ARHGEF4: variants seen among roughly 807,000 people sequenced by gnomAD.
The protein encoded by ARHGEF4 is APC-stimulated guanine nucleotide exchange factor 1.
A neutral mutation model predicts 162.0 loss-of-function variants in ARHGEF4; 119 were observed. The ratio of observed to expected loss-of-function variants is 0.73; its 90% CI spans 0.63 to 0.86. The LOEUF is 0.86. Among genes scored for constraint, ARHGEF4 ranks in the 40% least tolerant of loss-of-function variants. The pLI, the probability that ARHGEF4 is intolerant of heterozygous loss-of-function variation, is 0.00. For missense variants in ARHGEF4, 2,488 were observed against 2,456.0 expected, an observed-to-expected ratio of 1.01 and a Z score of -0.28; for synonymous variants, 1,014 against 979.9, an observed-to-expected ratio of 1.03 and a Z score of -0.65.
At chr2:130,837,197 C>T (rs1166297229) in intron 1 of ARHGEF4, among the ~76,000 whole-genome samples, 3 of 152,088 alleles carry the variant, frequency 2.0e-5, no homozygotes, top group African/African-American at 7.2e-5. Flanking sequence ...GTCTCGAGCG[C>T]GGGGAAGGAC....
At chr2:130,850,171 C>G (rs1168821151) in intron 1 of ARHGEF4, among the ~76,000 whole-genome samples, 1 of 152,174 alleles carries the variant, frequency 6.6e-6, no homozygotes, top group Non-Finnish European at 1.5e-5. Flanking sequence ...GAGGGACTCA[C>G]AGGAGCAGTT....
chr2:130,870,674 G>A (rs774678334), intron 1 of ARHGEF4, among the ~76,000 whole-genome samples: 1 of 152,176 alleles, frequency 6.6e-6, no homozygotes, highest in Non-Finnish European at 1.5e-5. Context: ...GGGAGGGGAA[G>A]GGAACTCACT....
intron 4 of ARHGEF4, among the ~76,000 whole-genome samples, chr2:130,996,007 A>T (rs1302351153): frequency 6.7e-6 from 1 of 150,312 alleles, no homozygotes; most frequent in Non-Finnish European, 1.5e-5. Flanking sequence ...CTCCTGCCTC[A>T]GCCTCCTGAG....
chr2:131,044,288 G>T lies in ARHGEF4; in HGVS notation c.5158-11G>T. On this transcript the variant is annotated splice_polypyrimidine_tract_variant and intron_variant, in intron 11 of 13. Coordinates refer to ENST00000409359, the MANE Select transcript of ARHGEF4 (RefSeq NM_001367493.1). ...GGTTCAGCAGCCAGGGCTGAGGCCAGCATCTGGCAGGACCTGCTCCGCCGC... is the reference window on the plus strand; with the variant it reads ...GGTTCAGCAGCCAGGGCTGAGGCCATCATCTGGCAGGACCTGCTCCGCCGC... 6 of 1,610,408 alleles carry T rather than the reference G, an allele frequency of 3.7e-6. No individual in the cohort carries two copies. Among genetic ancestry groups the T allele is most frequent in the Non-Finnish European group, 5.1e-6 (6 of 1,179,048 alleles).
chr2:131,001,302 CAAAAAAAAAAA>C (rs70994730), intron 4 of ARHGEF4, among the ~76,000 whole-genome samples: 20 of 31,156 alleles, frequency 6.4e-4, no homozygotes, highest in African/African-American at 1.6e-3. Flanking sequence ...GACTGTGTCT[CAAAAAAAAAAA>C]AAAAAAAAAA....
At chr2:130,979,043 T>C (rs1373377339) in intron 4 of ARHGEF4, among the ~76,000 whole-genome samples, 1 of 152,196 alleles carries the variant, frequency 6.6e-6, no homozygotes, top group African/African-American at 2.4e-5. Context: ...CCTTGGACTG[T>C]AGCTAATTCT....
intron 1 of ARHGEF4, among the ~76,000 whole-genome samples, chr2:130,884,262 A>ACGTGCACACATG (rs1421238080): frequency 3.3e-5 from 5 of 151,826 alleles, no homozygotes; most frequent in African/African-American, 1.2e-4. Context: ...ATGCACACAC[A>ACGTGCACACATG]CGTGCACACA....
Position 130,914,340 on chromosome 2 carries a change from G to T in ARHGEF4, c.394G>T (p.Asp132Tyr). 1.4e-6 allele frequency: 2 copies of T among 1,468,348 alleles called. No homozygotes were observed. Among genetic ancestry groups the T allele is most frequent in the East Asian group, 2.5e-5 (1 of 40,352 alleles). The allele number at this position is 1,468,348 out of a possible 1,614,324, so 91.0% of individuals were successfully genotyped here. ...TGGGCTTCATGCAAAGGAAGAACTC[G>T]ATTTGTCCCCTAGCTTAGAGGATGA... ...VPGLHAKEEL[D>Y]LSPSLEDDSC... The change falls in exon 2 of 14, where the codon GAT (aspartate) becomes TAT (tyrosine). Residue 132 changes from aspartate (D) to tyrosine (Y), a missense_variant. This residue lies in a region of ARHGEF4 where 171 missense variants were observed against 169.4 expected (regional missense o/e 1.01). Transcript: ENST00000409359.
chr2:130,991,491 G>T (rs545240008), intron 4 of ARHGEF4, among the ~76,000 whole-genome samples: 6 of 152,348 alleles, frequency 3.9e-5, no homozygotes, highest in African/African-American at 1.4e-4. Flanking sequence ...GCGCTTGCGG[G>T]CCAGCTGGAG....
intron 1 of ARHGEF4, among the ~76,000 whole-genome samples, chr2:130,895,742 C>A (rs1241121601): frequency 6.6e-6 from 1 of 152,106 alleles, no homozygotes; most frequent in African/African-American, 2.4e-5. Context: ...AGATATGATT[C>A]CCTGGCAGAT....
intron 12 of ARHGEF4, 41 bp from the exon 13 acceptor site, chr2:131,045,328 C>A (rs780673417): frequency 6.9e-6 from 11 of 1,584,514 alleles, no homozygotes; most frequent in South Asian, 3.4e-5. Flanking sequence ...CACCTGGGGC[C>A]ACGAAGTGGG....
intron 5 of ARHGEF4, among the ~76,000 whole-genome samples, chr2:131,037,869 C>A (rs1437243401): frequency 6.6e-6 from 1 of 152,206 alleles, no homozygotes; most frequent in Non-Finnish European, 1.5e-5. Flanking sequence ...TGCATAAGAG[C>A]AGTCCTGAAG....
In ARHGEF4 at chr2:130,917,249, T is replaced by C. The variant is rs1404608189; in HGVS notation, c.3303T>C (p.Ala1101=). Residue 1101 remains alanine (A), a synonymous_variant, in exon 2 of 14, where the codon GCT becomes GCC. Transcript: ENST00000409359. ...AGCCCCTGAGTCCCAGGCCTAGTGC[T>C]CAGCGGATGGGTCTCCACTACCCCG... ...SPKPLSPRPS[A]QRMGLHYPGR... 2 of 1,550,466 alleles carry C rather than the reference T, an allele frequency of 1.3e-6. No homozygotes were observed. Among genetic ancestry groups the C allele is most frequent in the East Asian group, 4.9e-5 (2 of 40,888 alleles).
At chr2:130,866,142 G>A (rs1379780872) in intron 1 of ARHGEF4, among the ~76,000 whole-genome samples, 1 of 152,134 alleles carries the variant, frequency 6.6e-6, no homozygotes, top group Non-Finnish European at 1.5e-5. Context: ...AGTCTGAGGT[G>A]GAAGGATTGC....
intron 4 of ARHGEF4, among the ~76,000 whole-genome samples, chr2:131,000,172 T>C (rs1453776220): frequency 6.6e-6 from 1 of 152,258 alleles, no homozygotes; most frequent in Non-Finnish European, 1.5e-5. Context: ...TTAAACTTTT[T>C]AAAGTGCTTT....
intron 4 of ARHGEF4, among the ~76,000 whole-genome samples, chr2:131,003,346 G>T (rs1223093771): frequency 6.6e-6 from 1 of 152,230 alleles, no homozygotes; most frequent in Non-Finnish European, 1.5e-5. Flanking sequence ...CTACATGAAT[G>T]CTCCTGGCAC....
At chr2:130,887,142 A>C (rs988281604) in intron 1 of ARHGEF4, among the ~76,000 whole-genome samples, 1 of 151,958 alleles carries the variant, frequency 6.6e-6, no homozygotes, top group Non-Finnish European at 1.5e-5. Context: ...TTTCTATATA[A>C]ATTTTAGAAT....
At chr2:130,987,603 G>C (rs1558811059) in intron 4 of ARHGEF4, among the ~76,000 whole-genome samples, 1 of 152,050 alleles carries the variant, frequency 6.6e-6, no homozygotes. Context: ...CTGCTGATTG[G>C]TGCGTTTTAC....
chr2:130,988,426 C>T (rs1393995843), intron 4 of ARHGEF4, among the ~76,000 whole-genome samples: 1 of 152,210 alleles, frequency 6.6e-6, no homozygotes, highest in Non-Finnish European at 1.5e-5. Flanking sequence ...GGCTCTGTTT[C>T]AGAGACTTTT....
Sources: allele counts gnomAD v4.1 joint callset (sites outside exome capture counted in the v4.1 genomes callset), GRCh38; gene constraint gnomAD v4.1.1; regional missense constraint gnomAD v4.1.1; transcripts MANE v1.5; gene names NCBI Gene and HGNC (gene_info 2026-07-23, HGNC 2026-07-21).